The following STS variants were observed in gnomAD, a reference collection of about 807,000 sequenced individuals.
STS encodes steryl-sulfatase.
In STS, 7 loss-of-function variants were observed where a neutral mutation model predicts 26.8. That is an observed-to-expected ratio of 0.26 (90% CI 0.15 to 0.49). STS has a LOEUF of 0.49. Ranked by LOEUF, STS falls within the 20% of genes least tolerant of loss-of-function variation. STS has a pLI of 0.98. For missense variants in STS, 434 were observed against 465.6 expected, an observed-to-expected ratio of 0.93 and a Z score of 0.63; for synonymous variants, 199 against 189.4, an observed-to-expected ratio of 1.05 and a Z score of -0.42.
At chrX:7,299,929 A>T (rs1427579917) in intron 7 of STS, among the ~76,000 whole-genome samples, 2 of 111,601 alleles carry the variant, frequency 1.8e-5, no homozygotes, top group Non-Finnish European at 3.8e-5. Context: ...CACTCACCTA[A>T]GACCTCGAAT....
At chrX:7,177,483 T>A (rs184814008) in intron 1 of STS, among the ~76,000 whole-genome samples, 4,380 of 105,858 alleles carry the variant, frequency 0.041, 229 homozygotes, top group African/African-American at 0.14. Flanking sequence ...ATATATATTT[T>A]TTTTTGGAGT....
intron 2 of STS, among the ~76,000 whole-genome samples, chrX:7,205,356 G>A (rs769650656): frequency 1.8e-5 from 2 of 111,847 alleles, no homozygotes; most frequent in East Asian, 5.7e-4. Flanking sequence ...CTATGCTGTG[G>A]TTCTTTGGGG....
At chrX:7,244,062 C>G (rs769377025) in intron 2 of STS, among the ~76,000 whole-genome samples, 9 of 111,143 alleles carry the variant, frequency 8.1e-5, no homozygotes, top group Non-Finnish European at 1.3e-4. Flanking sequence ...GAGTGAGACT[C>G]TGTCTAAGAA....
intron 1 of STS, among the ~76,000 whole-genome samples, chrX:7,187,644 C>T (rs1462727382): frequency 8.9e-6 from 1 of 112,006 alleles, no homozygotes; most frequent in Non-Finnish European, 1.9e-5. Context: ...AAACCCGTGC[C>T]ATTAAACCTG....
chrX:7,151,159 T>C (rs1261679264), intron 1 of STS, among the ~76,000 whole-genome samples: 2 of 112,608 alleles, frequency 1.8e-5, no homozygotes, highest in Non-Finnish European at 3.8e-5. Flanking sequence ...CTTAGCTTAT[T>C]TCAACTTCCT....
At chrX:7,273,789 A>G (rs1924400489) in intron 6 of STS, among the ~76,000 whole-genome samples, 1 of 111,418 alleles carries the variant, frequency 9.0e-6, no homozygotes, top group South Asian at 3.8e-4. Flanking sequence ...TAAAAAAAAA[A>G]GAAATTGAAT....
chrX:7,222,121 A>G (rs1402258152), intron 2 of STS, among the ~76,000 whole-genome samples: 3 of 111,839 alleles, frequency 2.7e-5, no homozygotes, highest in Non-Finnish European at 3.8e-5. Context: ...TCCTCACTAA[A>G]TACTGGATCT....
chrX:7,335,981 TACCAG>T (rs1489187729), intron 10 of STS, among the ~76,000 whole-genome samples: 3 of 112,042 alleles, frequency 2.7e-5, no homozygotes, highest in South Asian at 7.5e-4. Flanking sequence ...TCTGTTTTGG[TACCAG>T]TACCATGCTG....
intron 2 of STS, among the ~76,000 whole-genome samples, chrX:7,196,455 C>G (rs1387379105): frequency 3.6e-5 from 4 of 111,490 alleles, no homozygotes; most frequent in Non-Finnish European, 7.5e-5. Flanking sequence ...ATAATTCTTA[C>G]GCCAAAGAAG....
At chrX:7,186,032 T>C (rs1433528386) in intron 1 of STS, among the ~76,000 whole-genome samples, 1 of 111,875 alleles carries the variant, frequency 8.9e-6, no homozygotes, top group Admixed American at 9.5e-5. Flanking sequence ...TTCCACGAGG[T>C]TGGACTTGTG....
chrX:7,250,960 C>T (rs369850483), intron 2 of STS, among the ~76,000 whole-genome samples: 8 of 112,444 alleles, frequency 7.1e-5, no homozygotes, highest in African/African-American at 2.6e-4. Flanking sequence ...TATGTTTAGT[C>T]GTTGTTTGAT....
chrX:7,190,810 CAT>C (rs1356619693), intron 1 of STS, among the ~76,000 whole-genome samples, 68 bp from the exon 2 acceptor site: 12 of 110,412 alleles, frequency 1.1e-4, no homozygotes, highest in African/African-American at 3.9e-4. Flanking sequence ...TAAAAGAGCA[CAT>C]GTCATTTAAG....
At chrX:7,282,665 T>C (rs1924929261) in intron 7 of STS, among the ~76,000 whole-genome samples, 1 of 112,644 alleles carries the variant, frequency 8.9e-6, no homozygotes, top group Non-Finnish European at 1.9e-5. Context: ...ATCTCGCATA[T>C]ATGAAATAAA....
At chrX:7,334,216 G>T (rs1927902875) in intron 10 of STS, 109 bp downstream of exon 10, 4 of 1,022,424 alleles carry the variant, frequency 3.9e-6, no homozygotes, top group Non-Finnish European at 5.5e-6. Flanking sequence ...AGGCCAACAG[G>T]TGCCTCAATG....
chrX:7,151,110 C>T (rs903656102), intron 1 of STS, among the ~76,000 whole-genome samples: 1 of 112,166 alleles, frequency 8.9e-6, no homozygotes, highest in Non-Finnish European at 1.9e-5. Flanking sequence ...TTAAACATGC[C>T]ATTTATTGTG....
chrX:7,264,289 A>G (rs778307505), intron 6 of STS, among the ~76,000 whole-genome samples: 61 of 112,311 alleles, frequency 5.4e-4, no homozygotes, highest in Non-Finnish European at 8.4e-4. Flanking sequence ...ATGTCGTGCA[A>G]TTCCTAAGAG....
intron 2 of STS, among the ~76,000 whole-genome samples, chrX:7,195,026 C>G (rs1238009537): frequency 9.0e-6 from 1 of 111,723 alleles, no homozygotes; most frequent in Non-Finnish European, 1.9e-5. Context: ...ATAGAAGGTA[C>G]TGTAAAAAAT....
chrX:7,154,147 G>A (rs887746113), intron 1 of STS, among the ~76,000 whole-genome samples: 2 of 111,833 alleles, frequency 1.8e-5, no homozygotes, highest in Non-Finnish European at 3.8e-5. Context: ...ACAAAGAGGG[G>A]TACCCACTGG....
intron 2 of STS, among the ~76,000 whole-genome samples, chrX:7,217,848 CAT>C: frequency 9.0e-6 from 1 of 111,561 alleles, no homozygotes; most frequent in East Asian, 2.8e-4. Context: ...TATGTAAAAA[CAT>C]AAAACATTAA....
Sources: gnomAD v4.1 joint callset for allele counts (sites outside exome capture counted in the v4.1 genomes callset) on GRCh38, gnomAD v4.1.1 for gene constraint, MANE v1.5 for transcripts, NCBI Gene and HGNC (gene_info 2026-07-23, HGNC 2026-07-21) for gene names.